C1QTNF3: variants seen among roughly 807,000 people sequenced by gnomAD.
C1QTNF3 encodes C1q and TNF related 3.
A neutral mutation model predicts 32.6 loss-of-function variants in C1QTNF3; 26 were observed. The observed-to-expected ratio is 0.80, with a 90% CI of 0.58 to 1.11. C1QTNF3 has a LOEUF of 1.11. Ranked by LOEUF, C1QTNF3 falls within the 50% of genes least tolerant of loss-of-function variation. The pLI, the probability that C1QTNF3 is intolerant of heterozygous loss-of-function variation, is 0.00. For missense variants in C1QTNF3, 362 were observed against 398.2 expected (o/e 0.91, Z 0.77); for synonymous variants, 155 against 146.0 (o/e 1.06, Z -0.44).
At chr5:34,128,185 C>T in the C1QTNF3 span, among the ~76,000 whole-genome samples, 3 of 152,230 alleles carry the variant, frequency 2.0e-5, no homozygotes, top group African/African-American at 7.2e-5. Flanking sequence ...CAAGCCTTGG[C>T]AACTTCCACA....
At chr5:34,241,951 G>GGAGGGAAGGAA in the C1QTNF3 span, among the ~76,000 whole-genome samples, 1 of 90,082 alleles carries the variant, frequency 1.1e-5, no homozygotes, top group Middle Eastern at 7.4e-3. Context: ...AAGGGAGGGA[G>GGAGGGAAGGAA]GGAAGGAAGG....
chr5:34,033,281 G>A, intron 3 of C1QTNF3, 23 bp downstream of exon 3: 1 of 1,611,444 alleles, frequency 6.2e-7, no homozygotes, highest in East Asian at 2.2e-5. Flanking sequence ...AAGCCACCAG[G>A]AGATGTACCG....
At chr5:34,084,454 T>C in the C1QTNF3 span, among the ~76,000 whole-genome samples, 1 of 151,714 alleles carries the variant, frequency 6.6e-6, no homozygotes, top group African/African-American at 2.4e-5. Context: ...TATGCTTACA[T>C]TCCAGAGTAA....
the C1QTNF3 span, among the ~76,000 whole-genome samples, chr5:34,130,068 C>G: frequency 4.0e-5 from 6 of 151,664 alleles, no homozygotes; most frequent in African/African-American, 1.5e-4. Context: ...ATGTTTGGAC[C>G]ATTTTTATCC....
At chr5:34,177,086 G>C in the C1QTNF3 span, among the ~76,000 whole-genome samples, 2 of 152,044 alleles carry the variant, frequency 1.3e-5, no homozygotes, top group Admixed American at 6.5e-5. Flanking sequence ...CCAGCTACTT[G>C]GGGGGCTGAG....
chr5:34,032,759 G>C (rs1754646637), intron 3 of C1QTNF3, among the ~76,000 whole-genome samples: 1 of 152,102 alleles, frequency 6.6e-6, no homozygotes, highest in African/African-American at 2.4e-5. Flanking sequence ...TCGTGCCACT[G>C]TACTCCAGCC....
chr5:34,176,456 A>C, the C1QTNF3 span, among the ~76,000 whole-genome samples: 1 of 152,134 alleles, frequency 6.6e-6, no homozygotes, highest in Non-Finnish European at 1.5e-5. Flanking sequence ...ACCCAGAATT[A>C]AAAAGGAGGT....
the C1QTNF3 span, among the ~76,000 whole-genome samples, chr5:34,241,640 G>C: frequency 1.3e-5 from 2 of 151,764 alleles, no homozygotes. Flanking sequence ...TCTGAAGCTG[G>C]ATGCAGTGGT....
At chr5:34,091,354 G>C in the C1QTNF3 span, among the ~76,000 whole-genome samples, 2 of 152,410 alleles carry the variant, frequency 1.3e-5, no homozygotes, top group Non-Finnish European at 2.9e-5. Context: ...ATGTGGGAAT[G>C]TGCTTTCCTT....
the C1QTNF3 span, chr5:34,167,928 T>G: frequency 2.0e-5 from 3 of 152,032 alleles, no homozygotes; most frequent in Admixed American, 2.0e-4. Flanking sequence ...ATGGGGGAGA[T>G]GCAAAAGGTG....
the C1QTNF3 span, among the ~76,000 whole-genome samples, chr5:34,071,728 C>T: frequency 0.013 from 2,049 of 152,196 alleles, 52 homozygotes; most frequent in African/African-American, 0.047. Flanking sequence ...CATCAGTGAT[C>T]ATCTACTGAG....
At chr5:34,051,259 T>G in the C1QTNF3 span, among the ~76,000 whole-genome samples, 1 of 152,218 alleles carries the variant, frequency 6.6e-6, no homozygotes, top group Non-Finnish European at 1.5e-5. Context: ...AATTGCCCAG[T>G]CTTCAAACCA....
chr5:34,232,942 A>T, the C1QTNF3 span, among the ~76,000 whole-genome samples: 1 of 90,132 alleles, frequency 1.1e-5, no homozygotes, highest in Non-Finnish European at 2.5e-5. Flanking sequence ...ATTACATTTC[A>T]ATGGCTCTGT....
At chr5:34,231,714 A>G in the C1QTNF3 span, among the ~76,000 whole-genome samples, 3 of 152,140 alleles carry the variant, frequency 2.0e-5, no homozygotes, top group African/African-American at 7.2e-5. Context: ...ACCTCCATCT[A>G]GATTTCAGAG....
At chr5:34,225,948 C>G in the C1QTNF3 span, among the ~76,000 whole-genome samples, 1 of 151,140 alleles carries the variant, frequency 6.6e-6, no homozygotes, top group Admixed American at 6.6e-5. Context: ...TTAATTTTAT[C>G]TCCTATTTAA....
the C1QTNF3 span, among the ~76,000 whole-genome samples, chr5:34,161,505 A>T: frequency 6.6e-6 from 1 of 152,186 alleles, no homozygotes; most frequent in Non-Finnish European, 1.5e-5. Context: ...AACTCCAGTG[A>T]AATTAATTTT....
chr5:34,209,087 G>C, the C1QTNF3 span, among the ~76,000 whole-genome samples: 1 of 152,132 alleles, frequency 6.6e-6, no homozygotes, highest in Non-Finnish European at 1.5e-5. Flanking sequence ...AAAATTATCA[G>C]GTCCAAAAAT....
chr5:34,217,471 C>T, the C1QTNF3 span, among the ~76,000 whole-genome samples: 1 of 152,084 alleles, frequency 6.6e-6, no homozygotes, highest in Non-Finnish European at 1.5e-5. Flanking sequence ...TGAATGACTT[C>T]TATCTTCAAG....
chr5:34,056,475 TATATAGAGAGAGAGAGAGAGAGAGAG>T, the C1QTNF3 span, among the ~76,000 whole-genome samples: 15 of 101,280 alleles, frequency 1.5e-4, no homozygotes, highest in African/African-American at 5.5e-4. Context: ...TATATATATA[TATATAGAGAGAGAGAGAGAGAGAGAG>T]AGAGAGAGAG....
Sources: gnomAD v4.1 joint callset for allele counts (sites outside exome capture counted in the v4.1 genomes callset) on GRCh38, gnomAD v4.1.1 for gene constraint, MANE v1.5 for transcripts, NCBI Gene and HGNC (gene_info 2026-07-23, HGNC 2026-07-21) for gene names.